Variants in DMD observed in about 807,000 individuals in gnomAD.
The protein encoded by DMD is dystrophin, also known as mutant dystrophin.
In DMD, 63 loss-of-function variants were observed where a neutral mutation model predicts 330.1. The observed-to-expected ratio is 0.19, with a 90% CI of 0.16 to 0.24. The LOEUF (loss-of-function observed/expected upper bound fraction) is 0.24, where lower values mean the gene tolerates loss of function less well. Ranked by LOEUF, DMD falls within the 10% of genes least tolerant of loss-of-function variation. The pLI is 1.00. For synonymous variants in DMD, 1,223 were observed against 959.8 expected (o/e 1.27, Z -5.07); for missense variants, 3,344 against 2,684.1 (o/e 1.25, Z -5.43).
At chrX:31,233,019 T>C (rs149255555) in intron 63 of DMD, among the ~76,000 whole-genome samples, 3,068 of 112,046 alleles carry the variant, frequency 0.027, 82 homozygotes, top group African/African-American at 0.09. Context: ...AGCCATTAAA[T>C]TGTTCCTCAA....
At chrX:32,847,964 G>C (rs757036425) in intron 3 of DMD, among the ~76,000 whole-genome samples, 2 of 112,063 alleles carry the variant, frequency 1.8e-5, no homozygotes, top group Non-Finnish European at 3.8e-5. Context: ...TCTCATATCT[G>C]AGTATAAACA....
intron 60 of DMD, among the ~76,000 whole-genome samples, chrX:31,394,938 T>TGAGAGAGAGAGAGA (rs757803694): frequency 0.02 from 1,770 of 86,717 alleles, 123 homozygotes; most frequent in African/African-American, 0.07. Flanking sequence ...GAGAGAAGGG[T>TGAGAGAGAGAGAGA]GAGAGAGAGA....
chrX:32,773,118 C>G (rs988541132), intron 7 of DMD, among the ~76,000 whole-genome samples: 5 of 112,030 alleles, frequency 4.5e-5, no homozygotes, highest in Admixed American at 2.8e-4. Context: ...ACAAGCTCAG[C>G]TTTGGGTGAT....
chrX:33,259,608 CCAA>C (rs1356817585), intron 1 of DMD, among the ~76,000 whole-genome samples: 3 of 71,752 alleles, frequency 4.2e-5, no homozygotes, highest in African/African-American at 9.8e-5. Context: ...CCCCCCCCCC[CCAA>C]AAAAAAAAAG....
At chrX:31,363,617 A>T (rs1014165275) in intron 60 of DMD, among the ~76,000 whole-genome samples, 1 of 111,020 alleles carries the variant, frequency 9.0e-6, no homozygotes, top group Non-Finnish European at 1.9e-5. Flanking sequence ...TGATCTCGTG[A>T]TCCGCCCACC....
At chrX:32,217,171 T>C in intron 43 of DMD, 108 bp from the exon 44 acceptor site, 6 of 778,307 alleles carry the variant, frequency 7.7e-6, no homozygotes, top group Non-Finnish European at 1.1e-5. Flanking sequence ...ATCACTCTGA[T>C]AGTTTCCTGC....
At chrX:31,848,057 T>C (rs958688829) in intron 48 of DMD, among the ~76,000 whole-genome samples, 1 of 111,774 alleles carries the variant, frequency 8.9e-6, no homozygotes, top group African/African-American at 3.2e-5. Context: ...TGTGTGTGCA[T>C]ACACGCACAT....
At chrX:32,031,920 G>C (rs757734734) in intron 44 of DMD, among the ~76,000 whole-genome samples, 5 of 111,795 alleles carry the variant, frequency 4.5e-5, no homozygotes, top group African/African-American at 9.7e-5. Context: ...CTAATACTTC[G>C]AGTTCAAGCT....
intron 11 of DMD, among the ~76,000 whole-genome samples, chrX:32,626,408 G>A (rs1019407393): frequency 9.5e-6 from 1 of 105,437 alleles, no homozygotes; most frequent in Non-Finnish European, 1.9e-5. Context: ...GACAGAGGTT[G>A]CAGTGAGCTG....
At chrX:31,577,426 G>T (rs2076156432) in intron 55 of DMD, among the ~76,000 whole-genome samples, 1 of 111,829 alleles carries the variant, frequency 8.9e-6, no homozygotes, top group African/African-American at 3.3e-5. Context: ...GAATATAACA[G>T]GTAATTCCAT....
chrX:33,197,390 A>G (rs904862507), intron 1 of DMD, among the ~76,000 whole-genome samples: 11 of 112,102 alleles, frequency 9.8e-5, no homozygotes, highest in Non-Finnish European at 1.9e-4. Context: ...TATAATTCAT[A>G]GAGCTTATTC....
intron 1 of DMD, among the ~76,000 whole-genome samples, chrX:33,095,005 A>C (rs745848280): frequency 4.9e-4 from 55 of 111,777 alleles, no homozygotes; most frequent in African/African-American, 1.8e-3. Context: ...GGTTTTAAAG[A>C]TCAATAAACT....
chrX:32,778,065 A>C (rs1455002689), intron 7 of DMD, among the ~76,000 whole-genome samples: 1 of 111,831 alleles, frequency 8.9e-6, no homozygotes, highest in Non-Finnish European at 1.9e-5. Context: ...ATATGGTTCA[A>C]CATAGATTTG....
intron 21 of DMD, among the ~76,000 whole-genome samples, chrX:32,483,217 G>A (rs981151838): frequency 1.1e-5 from 1 of 92,282 alleles, no homozygotes; most frequent in Non-Finnish European, 2.1e-5. Flanking sequence ...CATTCCAAAA[G>A]GGTGAATAGT....
chrX:32,888,975 G>A (rs2084932626), intron 2 of DMD, among the ~76,000 whole-genome samples: 1 of 109,994 alleles, frequency 9.1e-6, no homozygotes, highest in Non-Finnish European at 1.9e-5. Context: ...CCGTCTCTGA[G>A]CCTAGATACT....
chrX:32,673,267 A>T (rs2061746577), intron 9 of DMD, among the ~76,000 whole-genome samples: 1 of 111,064 alleles, frequency 9.0e-6, no homozygotes. Flanking sequence ...TTGGTACATG[A>T]TTAAAAAACA....
intron 55 of DMD, among the ~76,000 whole-genome samples, chrX:31,522,151 A>T (rs2072827625): frequency 9.2e-6 from 1 of 108,748 alleles, no homozygotes; most frequent in Non-Finnish European, 1.9e-5. Flanking sequence ...GTCTTGAGGG[A>T]TGAGTAGCAG....
intron 9 of DMD, among the ~76,000 whole-genome samples, chrX:32,679,579 G>T (rs907249199): frequency 4.5e-5 from 5 of 110,819 alleles, no homozygotes; most frequent in African/African-American, 1.3e-4. Flanking sequence ...TTAACAGAAG[G>T]AATCTTAATG....
intron 1 of DMD, among the ~76,000 whole-genome samples, chrX:33,029,528 G>A (rs1316758522): frequency 1.8e-5 from 2 of 111,358 alleles, no homozygotes; most frequent in African/African-American, 3.3e-5. Flanking sequence ...GGGAGTTGTT[G>A]GACTCAGAAA....
Sources: gnomAD v4.1 joint callset for allele counts (sites outside exome capture counted in the v4.1 genomes callset) on GRCh38, gnomAD v4.1.1 for gene constraint, MANE v1.5 for transcripts, NCBI Gene and HGNC (gene_info 2026-07-23, HGNC 2026-07-21) for gene names.